The following ZNF385B variants were observed in gnomAD, a reference collection of about 807,000 sequenced individuals.
ZNF385B encodes the protein zinc finger protein 533.
Under a neutral mutation model 39.2 loss-of-function variants are expected in ZNF385B, and 23 were observed. The ratio of observed to expected loss-of-function variants is 0.59; its 90% CI spans 0.42 to 0.83. ZNF385B has a LOEUF of 0.83. Among genes scored for constraint, ZNF385B ranks in the 40% least tolerant of loss-of-function variants. ZNF385B has a pLI of 0.00. For synonymous variants in ZNF385B, 205 were observed against 222.6 expected, an observed-to-expected ratio of 0.92 and a Z score of 0.70; for missense variants, 552 against 598.9, an observed-to-expected ratio of 0.92 and a Z score of 0.82.
chr2:179,529,095 GTT>G (rs72212899), intron 4 of ZNF385B, among the ~76,000 whole-genome samples: 2,045 of 152,276 alleles, frequency 0.013, 39 homozygotes, highest in African/African-American at 0.047. Context: ...TCCTATTTGA[GTT>G]TTAAATGAGT....
intron 3 of ZNF385B, among the ~76,000 whole-genome samples, chr2:179,578,678 T>C (rs1686135536): frequency 6.6e-6 from 1 of 152,102 alleles, no homozygotes; most frequent in Non-Finnish European, 1.5e-5. Context: ...CCATACCTAG[T>C]GGGAAACAGT....
At chr2:179,597,350 C>T (rs1688081427) in intron 3 of ZNF385B, among the ~76,000 whole-genome samples, 1 of 152,138 alleles carries the variant, frequency 6.6e-6, no homozygotes, top group South Asian at 2.1e-4. Context: ...TTAAAAGGTA[C>T]AGCAACACTT....
In ZNF385B at chr2:179,769,801, G is replaced by A. The variant is rs774548425; in HGVS notation, c.-1C>T. On this transcript the variant is annotated splice_region_variant and 5_prime_UTR_variant, in exon 3 of 10. Coordinates refer to ENST00000410066, the MANE Select transcript of ZNF385B (RefSeq NM_152520.6). ...TGTCAGGGCTTAAGGAGTACCTCAT[G>A]CCTGAAAAACAAAACAAGTACAAGT... 1 of 1,599,276 alleles carries A rather than the reference G, an allele frequency of 6.3e-7. No homozygotes were observed. The highest frequency in any genetic ancestry group is 2.2e-5 in the East Asian group (1 of 44,704).
chr2:179,716,541 T>C (rs1269266179), intron 3 of ZNF385B, among the ~76,000 whole-genome samples: 1 of 152,234 alleles, frequency 6.6e-6, no homozygotes, highest in East Asian at 1.9e-4. Flanking sequence ...ACTTAAAAAT[T>C]GTGTAGCAAA....
At chr2:179,599,847 T>G (rs1355967531) in intron 3 of ZNF385B, among the ~76,000 whole-genome samples, 3 of 152,190 alleles carry the variant, frequency 2.0e-5, no homozygotes, top group Non-Finnish European at 2.9e-5. Flanking sequence ...TGGAAGTATA[T>G]ATCAGTGATT....
chr2:179,551,070 C>T (rs771649922), intron 3 of ZNF385B, among the ~76,000 whole-genome samples: 10 of 151,970 alleles, frequency 6.6e-5, no homozygotes, highest in African/African-American at 1.5e-4. Flanking sequence ...GGCAATATTA[C>T]GTAAGACACC....
chr2:179,639,249 A>AAAAAAAAAAAGG (rs71029824), intron 3 of ZNF385B, among the ~76,000 whole-genome samples: 1 of 128,684 alleles, frequency 7.8e-6, no homozygotes. Flanking sequence ...AAAAAAAAAA[A>AAAAAAAAAAAGG]GGGGGAGAAA....
chr2:179,720,925 GTTTTTTTTTTTTTTT>G (rs56131510), intron 3 of ZNF385B, among the ~76,000 whole-genome samples: 1 of 70,134 alleles, frequency 1.4e-5, no homozygotes, highest in African/African-American at 5.5e-5. Flanking sequence ...ATGCCTGGCT[GTTTTTTTTTTTTTTT>G]TTTTTTTTTG....
chr2:179,665,313 T>C (rs1183926663), intron 3 of ZNF385B, among the ~76,000 whole-genome samples: 1 of 152,264 alleles, frequency 6.6e-6, no homozygotes, highest in African/African-American at 2.4e-5. Flanking sequence ...TTTTCACCTG[T>C]AGTATCTGCA....
chr2:179,680,240 C>T (rs1697396059), intron 3 of ZNF385B, among the ~76,000 whole-genome samples: 1 of 151,974 alleles, frequency 6.6e-6, no homozygotes, highest in Non-Finnish European at 1.5e-5. Context: ...GCTTAGTAAA[C>T]TATAAATAAA....
At chr2:179,676,310 G>C (rs1287924186) in intron 3 of ZNF385B, among the ~76,000 whole-genome samples, 3 of 151,486 alleles carry the variant, frequency 2.0e-5, no homozygotes, top group East Asian at 2.0e-4. Flanking sequence ...GGATGGTCTC[G>C]ATCTCCCGAC....
intron 3 of ZNF385B, among the ~76,000 whole-genome samples, chr2:179,687,842 C>T (rs74644466): frequency 0.04 from 6,102 of 152,254 alleles, 168 homozygotes; most frequent in Middle Eastern, 0.058. Context: ...CATGATAGCA[C>T]AGGACTAGTG....
At chr2:179,771,325 A>G (rs1703995997) in intron 1 of ZNF385B, among the ~76,000 whole-genome samples, 1 of 152,216 alleles carries the variant, frequency 6.6e-6, no homozygotes, top group Admixed American at 6.5e-5. Flanking sequence ...AAAACCAGAT[A>G]TTGATTCTAA....
chr2:179,642,577 A>ACACCTT (rs1692365628), intron 3 of ZNF385B, among the ~76,000 whole-genome samples: 1 of 152,174 alleles, frequency 6.6e-6, no homozygotes, highest in South Asian at 2.1e-4. Flanking sequence ...GGGTTCCGAG[A>ACACCTT]CACCTTCAGA....
chr2:179,495,957 T>C (rs1000365023), intron 5 of ZNF385B, among the ~76,000 whole-genome samples: 3 of 152,082 alleles, frequency 2.0e-5, no homozygotes, highest in African/African-American at 7.2e-5. Flanking sequence ...TCTATTAGTA[T>C]CAACACTATC....
chr2:179,579,471 GCTGT>G (rs901008689), intron 3 of ZNF385B, among the ~76,000 whole-genome samples: 13 of 152,140 alleles, frequency 8.5e-5, no homozygotes, highest in Admixed American at 5.2e-4. Context: ...ATAACTGACA[GCTGT>G]TTAAAATATC....
intron 4 of ZNF385B, among the ~76,000 whole-genome samples, chr2:179,541,341 G>A (rs1304956001): frequency 6.6e-6 from 1 of 152,086 alleles, no homozygotes; most frequent in Admixed American, 6.5e-5. Flanking sequence ...ACAGGCATCT[G>A]TTCTATTTTG....
chr2:179,443,386 A>ACGGCTGCCGCCG lies in ZNF385B; in HGVS notation c.1313_1324dup (p.Ala438_Ala441dup). 6.2e-7 allele frequency: 1 copy of ACGGCTGCCGCCG among 1,611,368 alleles called. No homozygotes were observed. The highest frequency in any genetic ancestry group is 8.5e-7 in the Non-Finnish European group (1 of 1,179,216). On this transcript the variant is annotated inframe_insertion, in exon 10 of 10. Coordinates refer to ENST00000410066, the MANE Select transcript of ZNF385B (RefSeq NM_152520.6). ...GGGTGGGAGTGACAGCGCTGAGGAC[A>ACGGCTGCCGCCG]CGGCTGCCGCCGCTGCGAGAGGTGA...
intron 5 of ZNF385B, among the ~76,000 whole-genome samples, chr2:179,485,157 A>G (rs1167747303): frequency 1.3e-5 from 2 of 152,212 alleles, no homozygotes; most frequent in Non-Finnish European, 2.9e-5. Context: ...ATGACACAGA[A>G]AGGAAGGCAG....
Sources: gnomAD v4.1 joint callset for allele counts (sites outside exome capture counted in the v4.1 genomes callset) on GRCh38, gnomAD v4.1.1 for gene constraint, MANE v1.5 for transcripts, NCBI Gene and HGNC (gene_info 2026-07-23, HGNC 2026-07-21) for gene names.